GRIK4: variants seen among roughly 807,000 people sequenced by gnomAD.
GRIK4 encodes the protein glutamate ionotropic receptor kainate type subunit 4.
GRIK4 carries 40 observed loss-of-function variants against 104.9 expected under a neutral mutation model. That is an observed-to-expected ratio of 0.38 (90% CI 0.30 to 0.50). The LOEUF (loss-of-function observed/expected upper bound fraction) is 0.50, where lower values mean the gene tolerates loss of function less well. GRIK4 is among the 20% of genes least tolerant of loss of function. The pLI, the probability that GRIK4 is intolerant of heterozygous loss-of-function variation, is 0.93. For synonymous variants in GRIK4, 485 were observed against 524.9 expected (o/e 0.92, Z 1.04); for missense variants, 1,047 against 1,308.1 (o/e 0.80, Z 3.08).
At chr11:120,826,581 A>G (rs935232679) in intron 6 of GRIK4, among the ~76,000 whole-genome samples, 1 of 152,228 alleles carries the variant, frequency 6.6e-6, no homozygotes, top group African/African-American at 2.4e-5. Context: ...AGCTGGAAAC[A>G]CATCCTGAAA....
chr11:120,648,815 CAAACAA>C, intron 1 of GRIK4, among the ~76,000 whole-genome samples: 1 of 18,314 alleles, frequency 5.5e-5, no homozygotes, highest in African/African-American at 2.8e-4. Flanking sequence ...GTGAAACAAA[CAAACAA>C]ACAAACAAAC....
intron 3 of GRIK4, among the ~76,000 whole-genome samples, chr11:120,716,619 T>C (rs1368737180): frequency 6.6e-6 from 1 of 152,170 alleles, no homozygotes; most frequent in Admixed American, 6.5e-5. Flanking sequence ...AGAACTAAGA[T>C]GCAGTCTCTG....
At chr11:120,972,759 AGAAGAATTTCTGG>A (rs1340269900) in intron 19 of GRIK4, among the ~76,000 whole-genome samples, 2 of 152,154 alleles carry the variant, frequency 1.3e-5, no homozygotes, top group African/African-American at 2.4e-5. Context: ...TGTGGAGCAG[AGAAGAATTTCTGG>A]AGAAATTCTT....
chr11:120,944,399 C>T (rs575304635), intron 14 of GRIK4, among the ~76,000 whole-genome samples: 5 of 152,230 alleles, frequency 3.3e-5, no homozygotes, highest in Non-Finnish European at 1.5e-5. Flanking sequence ...TCCATCTGGA[C>T]GTCTCACAGG....
At chr11:120,657,093 G>A (rs1165179852) in intron 2 of GRIK4, among the ~76,000 whole-genome samples, 1 of 152,112 alleles carries the variant, frequency 6.6e-6, no homozygotes, top group African/African-American at 2.4e-5. Context: ...AGCCTAACTG[G>A]ATTATTACAG....
At chr11:120,779,954 GC>G in intron 3 of GRIK4, among the ~76,000 whole-genome samples, 1 of 152,216 alleles carries the variant, frequency 6.6e-6, no homozygotes, top group Non-Finnish European at 1.5e-5. Context: ...AGTTGGGGCA[GC>G]CTGTGGATGC....
chr11:120,872,946 G>A (rs896227353), intron 9 of GRIK4: 2 of 152,288 alleles, frequency 1.3e-5, no homozygotes, highest in African/African-American at 4.8e-5. Context: ...ATTGGGTAGT[G>A]GGCAAATTTC....
chr11:120,715,842 C>T (rs1453889710), intron 3 of GRIK4, among the ~76,000 whole-genome samples: 3 of 152,122 alleles, frequency 2.0e-5, no homozygotes, highest in Non-Finnish European at 4.4e-5. Context: ...AAATAGGACG[C>T]AGCCTCCTCT....
intron 19 of GRIK4, among the ~76,000 whole-genome samples, chr11:120,973,051 C>G (rs1041102549): frequency 6.6e-6 from 1 of 152,066 alleles, no homozygotes; most frequent in African/African-American, 2.4e-5. Flanking sequence ...TGAAATACAT[C>G]CCGGGAAGAA....
intron 5 of GRIK4, among the ~76,000 whole-genome samples, chr11:120,817,412 C>T (rs538801379): frequency 2.6e-5 from 4 of 152,332 alleles, no homozygotes; most frequent in African/African-American, 9.6e-5. Flanking sequence ...TCTAGAGCAA[C>T]TTTTCCTCTC....
At chr11:120,569,070 G>A (rs773696104) in intron 1 of GRIK4, among the ~76,000 whole-genome samples, 2 of 152,210 alleles carry the variant, frequency 1.3e-5, no homozygotes, top group East Asian at 1.9e-4. Flanking sequence ...ATTAGTGAGC[G>A]ATTTGATTTT....
At chr11:120,718,569 C>T (rs1450787206) in intron 3 of GRIK4, among the ~76,000 whole-genome samples, 2 of 152,206 alleles carry the variant, frequency 1.3e-5, no homozygotes, top group East Asian at 1.9e-4. Flanking sequence ...AGCCTTGCCC[C>T]GGCATGGGAC....
Position 120,905,539 on chromosome 11 carries a change from G to GTTGGC in GRIK4, c.1476+46_1476+47insTTGGC. On this transcript the variant is annotated intron_variant, in intron 13 of 20. Transcript: ENST00000527524. This position sits in a 1 kb window ranked among gnomAD's most constrained non-coding sequence, Gnocchi z 5.1. ...CTGGGCCTGAGGGTGGGCTGGGAGG[G>GTTGGC]ATTGGAAGAGCATGAGGTTGTGCTG... 1 of 503,048 alleles carries GTTGGC rather than the reference G, an allele frequency of 2.0e-6. No individual in the cohort carries two copies. The allele number at this position is 503,048 out of a possible 1,614,324, so 31.2% of individuals were successfully genotyped here.
At chr11:120,965,626 C>T (rs1944371192) in intron 18 of GRIK4, among the ~76,000 whole-genome samples, 1 of 152,152 alleles carries the variant, frequency 6.6e-6, no homozygotes, top group Non-Finnish European at 1.5e-5. Context: ...ATAGTTGTGT[C>T]TATAGTAGGG....
At chr11:120,718,943 T>C (rs1164703361) in intron 3 of GRIK4, among the ~76,000 whole-genome samples, 2 of 152,196 alleles carry the variant, frequency 1.3e-5, no homozygotes, top group African/African-American at 4.8e-5. Flanking sequence ...ACCATAGGAA[T>C]GGTTTGCTAA....
intron 4 of GRIK4, among the ~76,000 whole-genome samples, chr11:120,815,173 A>G (rs374412530): frequency 6.6e-6 from 1 of 152,246 alleles, no homozygotes; most frequent in Non-Finnish European, 1.5e-5. Context: ...AATGCTGCCC[A>G]TAAACTCCAA....
chr11:120,680,812 GAGA>G (rs1396875243), intron 3 of GRIK4, among the ~76,000 whole-genome samples: 2 of 152,224 alleles, frequency 1.3e-5, no homozygotes, highest in Admixed American at 6.5e-5. Context: ...TGGAAGAGAG[GAGA>G]AGGAGACCTT....
chr11:120,609,516 C>CTTT (rs58736481), intron 1 of GRIK4, among the ~76,000 whole-genome samples: 2 of 57,130 alleles, frequency 3.5e-5, no homozygotes, highest in African/African-American at 7.5e-5. Flanking sequence ...TTTGCAGTTG[C>CTTT]TTTTTTTTTT....
At chr11:120,756,592 CA>C (rs1464004527) in intron 3 of GRIK4, among the ~76,000 whole-genome samples, 2 of 152,230 alleles carry the variant, frequency 1.3e-5, no homozygotes, top group Non-Finnish European at 2.9e-5. Context: ...GTCAACTCTT[CA>C]TAACTCTTAA....
Sources: allele counts gnomAD v4.1 joint callset (sites outside exome capture counted in the v4.1 genomes callset), GRCh38; gene constraint gnomAD v4.1.1; non-coding constraint Gnocchi (gnomAD v3.1); transcripts MANE v1.5; gene names NCBI Gene and HGNC (gene_info 2026-07-23, HGNC 2026-07-21).